Variants in TRAPPC11 observed in about 807,000 individuals in gnomAD.
The protein encoded by TRAPPC11 is foie gras homolog.
TRAPPC11 carries 104 observed loss-of-function variants against 151.2 expected under a neutral mutation model. The observed-to-expected ratio is 0.69, with a 90% CI of 0.59 to 0.81. TRAPPC11 has a LOEUF of 0.81. Ranked by LOEUF, TRAPPC11 falls within the 30% of genes least tolerant of loss-of-function variation. The pLI, the probability that TRAPPC11 is intolerant of heterozygous loss-of-function variation, is 0.00. For missense variants in TRAPPC11, 1,230 were observed against 1,349.6 expected (o/e 0.91, Z 1.39); for synonymous variants, 456 against 472.3 (o/e 0.97, Z 0.45).
intron 6 of TRAPPC11, 73 bp downstream of exon 6, chr4:183,674,885 T>A: frequency 1.1e-6 from 1 of 887,100 alleles, no homozygotes; most frequent in Non-Finnish European, 1.8e-6. Context: ...TTATTACATG[T>A]TCTTAATACT....
intron 9 of TRAPPC11, 31 bp from the exon 10 acceptor site, chr4:183,680,089 C>G: frequency 1.3e-6 from 2 of 1,576,144 alleles, no homozygotes; most frequent in Non-Finnish European, 1.7e-6. Flanking sequence ...CTTTTCATTC[C>G]TCTTTATTTC....
At chr4:183,707,066 G>A (rs948290150) in intron 28 of TRAPPC11, 126 bp downstream of exon 28, 2 of 1,223,720 alleles carry the variant, frequency 1.6e-6, no homozygotes, top group Non-Finnish European at 2.2e-6. Flanking sequence ...TTTGGTAATA[G>A]TGAATTTTTA....
intron 1 of TRAPPC11, among the ~76,000 whole-genome samples, chr4:183,660,261 C>A (rs1218169783): frequency 6.6e-6 from 1 of 152,198 alleles, no homozygotes; most frequent in Non-Finnish European, 1.5e-5. Flanking sequence ...GGACACATTT[C>A]CCATAATTTA....
chr4:183,671,034 A>G (rs983323593), intron 5 of TRAPPC11, among the ~76,000 whole-genome samples: 3 of 151,886 alleles, frequency 2.0e-5, no homozygotes, highest in Non-Finnish European at 4.4e-5. Flanking sequence ...CTGGCCTAAT[A>G]TTTGTATTTT....
At chr4:183,673,516 A>C (rs147988856) in intron 5 of TRAPPC11, among the ~76,000 whole-genome samples, 288 of 152,208 alleles carry the variant, frequency 1.9e-3, no homozygotes, top group African/African-American at 6.7e-3. Flanking sequence ...TCTACAAAAA[A>C]TATAAAAATT....
At position 183,662,834 on chromosome 4, in the gene TRAPPC11, C is replaced by T. The variant is rs542473686; in HGVS notation, c.-21-1013C>T. ...TTTAATTTTATCACCTTCTTGCTTT[C>T]TTGGTCTACTAATTTCAAAGTTCTG... On this transcript the variant is annotated intron_variant, in intron 1 of 29. Coordinates refer to ENST00000334690, the MANE Select transcript of TRAPPC11 (RefSeq NM_021942.6). Among the ~76,000 whole-genome samples the T allele has an allele frequency of 2.6e-5, 4 of 151,980 alleles. No homozygotes were observed. In the East Asian group the frequency reaches 7.7e-4, roughly 29 times the overall value.
At position 183,667,048 on chromosome 4, in the gene TRAPPC11, T is replaced by C; in HGVS notation, c.375-12T>C. On this transcript the variant is annotated splice_polypyrimidine_tract_variant and intron_variant, in intron 3 of 29. Coordinates refer to ENST00000334690, the MANE Select transcript of TRAPPC11 (RefSeq NM_021942.6). The stretch of plus-strand genomic sequence containing the variant: ...TAAAATAATTAATTTTATTCTTGCT[T>C]TTTCATTGCAGGCAAAGTTTACAAG... 1 of 1,589,516 alleles carries C rather than the reference T, an allele frequency of 6.3e-7. No individual in the cohort carries two copies. Among genetic ancestry groups the C allele is most frequent in the Non-Finnish European group, 8.6e-7 (1 of 1,163,748 alleles).
intron 5 of TRAPPC11, among the ~76,000 whole-genome samples, chr4:183,668,585 TGA>T (rs1734998627): frequency 6.6e-6 from 1 of 152,228 alleles, no homozygotes; most frequent in African/African-American, 2.4e-5. Context: ...TCCTTTTTTG[TGA>T]GAGTGTCTCC....
chr4:183,681,352 G>A (rs995492663), intron 10 of TRAPPC11, among the ~76,000 whole-genome samples: 1 of 151,866 alleles, frequency 6.6e-6, no homozygotes, highest in African/African-American at 2.4e-5. Flanking sequence ...TGTATGATTT[G>A]TAATTTTATT....
intron 28 of TRAPPC11, 81 bp from the exon 29 acceptor site, chr4:183,708,326 T>TA (rs1387766409): frequency 2.1e-6 from 3 of 1,413,534 alleles, no homozygotes; most frequent in African/African-American, 1.4e-5. Context: ...CAATCTTTTG[T>TA]AAATAATTGA....
chr4:183,693,091 T>A lies in TRAPPC11; in HGVS notation c.2181T>A (p.Pro727=), dbSNP rs1244587923. 7 of 1,612,908 alleles carry A rather than the reference T, an allele frequency of 4.3e-6. No individual in the cohort carries two copies. The South Asian group carries it at 6.6e-5, about 15-fold the overall frequency. The part of the protein sequence containing the change: ...LQAARSFKRR[P]KLPDNEVHWD... ...CAGCTCGGTCTTTCAAAAGGCGACC[T>A]AAGCTACCTGACAATGAAGTTCACT... Residue 727 remains proline, a synonymous_variant, in exon 20 of 30, where the codon CCT becomes CCA. Coordinates refer to ENST00000334690, the MANE Select transcript of TRAPPC11 (RefSeq NM_021942.6).
intron 26 of TRAPPC11, 124 bp from the exon 27 acceptor site, chr4:183,704,855 T>C (rs1471283595): frequency 4.2e-6 from 2 of 473,808 alleles, no homozygotes; most frequent in African/African-American, 4.0e-5. Flanking sequence ...TTTTGGGAAA[T>C]GGATAAGTAA....
At chr4:183,704,147 G>C (rs538811059) in intron 26 of TRAPPC11, among the ~76,000 whole-genome samples, 4 of 152,272 alleles carry the variant, frequency 2.6e-5, no homozygotes, top group African/African-American at 9.6e-5. Context: ...AGCAGCCCTG[G>C]GTTATAACAG....
chr4:183,702,372 A>G (rs982937747), intron 26 of TRAPPC11, among the ~76,000 whole-genome samples: 1 of 151,790 alleles, frequency 6.6e-6, no homozygotes, highest in South Asian at 2.1e-4. Context: ...TCATAGCAGC[A>G]TTGATTGCAA....
At position 183,694,613 on chromosome 4, in the gene TRAPPC11, ATGT is replaced by A. The variant is rs1333288190; in HGVS notation, c.2522_2524del (p.Leu841del). 12 of 1,612,344 alleles carry A rather than the reference ATGT, an allele frequency of 7.4e-6. No individual in the cohort carries two copies. Among genetic ancestry groups the A allele is most frequent in the South Asian group, 1.1e-5 (1 of 90,822 alleles). On this transcript the variant is annotated inframe_deletion, in exon 23 of 30. Coordinates refer to ENST00000334690, the MANE Select transcript of TRAPPC11 (RefSeq NM_021942.6). ...ATTTATTTTGTTACAGCTGGAAAAA[ATGT>A]TGTATGTTCGCTGTGGAACAGTGGG...
intron 27 of TRAPPC11, chr4:183,705,795 G>A (rs754449456): frequency 1.2e-4 from 18 of 152,186 alleles, no homozygotes; most frequent in Non-Finnish European, 2.4e-4. Flanking sequence ...ATACTTCATA[G>A]TGTATGTGCT....
At position 183,693,594 on chromosome 4, in the gene TRAPPC11, T is replaced by C. The variant is rs748071852; in HGVS notation, c.2243T>C (p.Ile748Thr). The change falls in exon 21 of 30, where the codon ATA becomes ACA. Residue 748 changes from isoleucine (I) to threonine (T), a missense_variant. Ile to Thr is a moderately conservative substitution (Grantham distance 89). Transcript: ENST00000334690. ...GCTAAGGTTTCTTTTCAAAGGATCATATCCAGAGTCCCAAACATTTCTGTA... is the reference window on the plus strand; with the variant it reads ...GCTAAGGTTTCTTTTCAAAGGATCACATCCAGAGTCCCAAACATTTCTGTA... ...SIIIQASTMI[I>T]SRVPNISVHL... The C allele has an allele frequency of 2.5e-6, 4 of 1,607,000 alleles. No individual in the cohort carries two copies. Among genetic ancestry groups the C allele is most frequent in the South Asian group, 2.3e-5 (2 of 88,742 alleles).
At chr4:183,683,218 G>A (rs1735787844) in intron 11 of TRAPPC11, among the ~76,000 whole-genome samples, 1 of 151,276 alleles carries the variant, frequency 6.6e-6, no homozygotes, top group African/African-American at 2.4e-5. Context: ...TGCCACTGTT[G>A]TCTTATTTAA....
rs200831837 is a variant in TRAPPC11, at chr4:183,697,882, C to T, written c.2851+47C>T. 0.02 allele frequency: 20,432 copies of T among 1,031,958 alleles called. 158 individuals are homozygous for T. The highest frequency in any genetic ancestry group is 0.03 in the African/African-American group (1,399 of 46,378). The allele number at this position is 1,031,958 out of a possible 1,614,324, so 63.9% of individuals were successfully genotyped here. Reference sequence around the variant, plus strand: ...TTAAAGACCAGGAGAATTGTGCGCGCGTGTGTGTGTGTGTGTATAAGCTGG... The same window carrying T: ...TTAAAGACCAGGAGAATTGTGCGCGTGTGTGTGTGTGTGTGTATAAGCTGG... On this transcript the variant is annotated intron_variant, in intron 25 of 29. Transcript: ENST00000334690.
Sources: gnomAD v4.1 joint callset for allele counts (sites outside exome capture counted in the v4.1 genomes callset) on GRCh38, gnomAD v4.1.1 for gene constraint, MANE v1.5 for transcripts, NCBI Gene and HGNC (gene_info 2026-07-23, HGNC 2026-07-21) for gene names.